The following CFAP46 variants were observed in gnomAD, a reference collection of about 807,000 sequenced individuals.
The protein encoded by CFAP46 is cilia- and flagella-associated protein 46.
A neutral mutation model predicts 325.7 loss-of-function variants in CFAP46; 245 were observed. That is an observed-to-expected ratio of 0.75 (90% CI 0.68 to 0.84). The LOEUF is 0.84. Among genes scored for constraint, CFAP46 ranks in the 40% least tolerant of loss-of-function variants. The probability of loss-of-function intolerance (pLI) is 0.00; values close to 1 mark genes in which losing one functional copy is unlikely to be tolerated. For synonymous variants in CFAP46, 1,523 were observed against 1,495.9 expected (o/e 1.02, Z -0.42); for missense variants, 3,346 against 3,543.0 (o/e 0.94, Z 1.41).
intron 1 of CFAP46, 50 bp from the exon 2 acceptor site, chr10:132,942,154 G>C (rs1355745686): frequency 7.1e-6 from 11 of 1,546,916 alleles, no homozygotes; most frequent in Admixed American, 2.0e-5. Flanking sequence ...GCTGGGAGAA[G>C]TGAGCCGGGC....
intron 8 of CFAP46, among the ~76,000 whole-genome samples, chr10:132,932,627 C>T (rs1220058446): frequency 1.7e-5 from 2 of 119,994 alleles, no homozygotes; most frequent in Non-Finnish European, 3.6e-5. Flanking sequence ...TGGGCTTCCC[C>T]ACGCTCCCCA....
intron 39 of CFAP46, among the ~76,000 whole-genome samples, chr10:132,852,997 TA>T (rs1416015626): frequency 6.6e-6 from 1 of 152,236 alleles, no homozygotes; most frequent in Non-Finnish European, 1.5e-5. Flanking sequence ...TATCTGTGAA[TA>T]AAAACAGTTT....
intron 9 of CFAP46, among the ~76,000 whole-genome samples, chr10:132,926,997 A>C (rs373577117): frequency 1.3e-4 from 20 of 152,228 alleles, no homozygotes; most frequent in African/African-American, 4.3e-4. Flanking sequence ...GCTGCGCTGA[A>C]GTCTGGGAAG....
chr10:132,852,011 C>T (rs1209791872), intron 39 of CFAP46, among the ~76,000 whole-genome samples: 1 of 152,076 alleles, frequency 6.6e-6, no homozygotes, highest in African/African-American at 2.4e-5. Flanking sequence ...GTATGTTCCT[C>T]CATTTACTTA....
At chr10:132,870,892 A>G (rs1848888415) in intron 32 of CFAP46, among the ~76,000 whole-genome samples, 1 of 152,230 alleles carries the variant, frequency 6.6e-6, no homozygotes, top group Non-Finnish European at 1.5e-5. Flanking sequence ...ACAGCCTTCT[A>G]TTGGAAGAAG....
chr10:132,932,505 C>T (rs1209305127), intron 8 of CFAP46, among the ~76,000 whole-genome samples: 1 of 124,514 alleles, frequency 8.0e-6, no homozygotes, highest in Non-Finnish European at 1.7e-5. Context: ...GAGGCTGAAC[C>T]TTCCCAACAC....
At chr10:132,909,080 G>A (rs2135527393) in intron 21 of CFAP46, 57 bp downstream of exon 21, 1 of 1,300,554 alleles carries the variant, frequency 7.7e-7, no homozygotes, top group South Asian at 1.3e-5. Context: ...TAGGGCAAGA[G>A]CCTCGGCGTC....
At chr10:132,892,197 A>G in intron 25 of CFAP46, 136 bp downstream of exon 25, 5 of 719,170 alleles carry the variant, frequency 7.0e-6, no homozygotes, top group Non-Finnish European at 1.2e-5. Flanking sequence ...GATGCTGAAC[A>G]GACATTATCT....
rs991645859 is a variant in CFAP46 at position 132,817,224 on chromosome 10, T to C, written c.7118-2310A>G. ...GAACTTTCGATTCTCATGATGTCCATGTCCCTAATAATGCCTGGCTCTAAA... is the reference window on the plus strand; with the variant it reads ...GAACTTTCGATTCTCATGATGTCCACGTCCCTAATAATGCCTGGCTCTAAA... On this transcript the variant is annotated intron_variant, in intron 50 of 57. Coordinates refer to ENST00000368586, the MANE Select transcript of CFAP46 (RefSeq NM_001200049.3). The surrounding 1 kb of genome is among the most constrained non-coding windows in gnomAD (Gnocchi z 4.4). Among the ~76,000 whole-genome samples, 2 of 152,298 alleles carry C rather than the reference T, an allele frequency of 1.3e-5. No individual in the cohort carries two copies. The highest frequency in any genetic ancestry group is 2.1e-4 in the South Asian group (1 of 4,822).
At chr10:132,824,147 GTGC>G (rs1847973119) in intron 50 of CFAP46, among the ~76,000 whole-genome samples, 2 of 143,948 alleles carry the variant, frequency 1.4e-5, no homozygotes, top group Admixed American at 7.0e-5. Flanking sequence ...GTGCTGATGT[GTGC>G]TGTGTGTGTG....
chr10:132,899,679 G>A lies in CFAP46; in HGVS notation c.2925-13C>T, dbSNP rs796143636. 6.5e-7 allele frequency: 1 copy of A among 1,544,096 alleles called. No homozygotes were observed. The highest frequency in any genetic ancestry group is 8.7e-7 in the Non-Finnish European group (1 of 1,143,196). The stretch of plus-strand genomic sequence containing the variant: ...CCGGGACTCCTCGCTGCAGGAACAG[G>A]GCCAGTGAGGAGGGAGGCCACTGTG... On this transcript the variant is annotated splice_polypyrimidine_tract_variant and intron_variant, in intron 22 of 57. Transcript: ENST00000368586.
Position 132,912,751 on chromosome 10 carries a change from G to A in CFAP46, c.2403C>T (p.Val801=). 1 of 1,550,344 alleles carries A rather than the reference G, an allele frequency of 6.5e-7. No homozygotes were observed. Residue 801 remains valine (V), a synonymous_variant, in exon 19 of 58, where the codon GTC becomes GTT. Transcript: ENST00000368586. ...ATTTCCTGGACTTCTCGGCAGCCTG[G>A]ACTGGAATCCAGCTGATGATCAGGC... The part of the protein sequence containing the change: ...ARGLIISWIP[V]QAAEKSRKFM...
intron 44 of CFAP46, chr10:132,837,118 A>T (rs1848264772): frequency 2.0e-6 from 1 of 511,256 alleles, no homozygotes; most frequent in East Asian, 3.2e-5. Flanking sequence ...GGCACGCAAG[A>T]GTCACCGGCG....
chr10:132,913,288 T>C (rs1161201784), intron 17 of CFAP46, 30 bp from the exon 18 acceptor site: 5 of 1,438,256 alleles, frequency 3.5e-6, no homozygotes, highest in South Asian at 1.2e-5. Flanking sequence ...AAGCCCTTAA[T>C]GCAGGGTCCC....
In CFAP46 at chr10:132,824,020, CTG is replaced by C. The variant is rs544546009; in HGVS notation, c.7118-9108_7118-9107del. On this transcript the variant is annotated intron_variant, in intron 50 of 57. Transcript: ENST00000368586. ...GTTTGTGCTGTGTGTGTGCTGTGTG[CTG>C]TGTGAGTGCTGATGTGTGCTGATGT... Among the ~76,000 whole-genome samples, 23 of 82,198 alleles carry C rather than the reference CTG, an allele frequency of 2.8e-4. 1 individual carries two copies. The highest frequency in any genetic ancestry group is 1.3e-3 in the African/African-American group (23 of 17,538). The allele number at this position is 82,198 out of a possible 152,430, so 53.9% of individuals were successfully genotyped here. A position where few individuals can be genotyped will look rare whatever the true frequency, so the allele number is the denominator to read the frequency against.
At chr10:132,873,471 C>T (rs1345630442) in intron 31 of CFAP46, among the ~76,000 whole-genome samples, 1 of 152,014 alleles carries the variant, frequency 6.6e-6, no homozygotes, top group Non-Finnish European at 1.5e-5. Flanking sequence ...ACGAGCCTGG[C>T]TGTCAGGCAC....
At chr10:132,840,469 T>C (rs1039000009) in intron 44 of CFAP46, among the ~76,000 whole-genome samples, 4 of 152,226 alleles carry the variant, frequency 2.6e-5, no homozygotes, top group African/African-American at 9.6e-5. Context: ...TCCTCTTTCA[T>C]TTTTCTTAGC....
At chr10:132,822,823 GTGTGCTGA>G (rs1847903730) in intron 50 of CFAP46, among the ~76,000 whole-genome samples, 1 of 126,196 alleles carries the variant, frequency 7.9e-6, no homozygotes, top group Non-Finnish European at 1.7e-5. Flanking sequence ...TGTGTGCTGT[GTGTGCTGA>G]TGTGTGCTGA....
rs1217960668 is a variant in CFAP46 at position 132,876,267 on chromosome 10, G to A, written c.4362+545C>T. ...GTGAACTGAATGACCACTATGGAGG[G>A]CAGCATGGCAGCGTGGCACCAAACA... On this transcript the variant is annotated intron_variant, in intron 31 of 57. Coordinates refer to ENST00000368586, the MANE Select transcript of CFAP46 (RefSeq NM_001200049.3). The surrounding 1 kb of genome is among the most constrained non-coding windows in gnomAD (Gnocchi z 4.1). Among the ~76,000 whole-genome samples, 1 of 152,266 alleles carries A rather than the reference G, an allele frequency of 6.6e-6. No individual in the cohort carries two copies. The highest frequency in any genetic ancestry group is 1.5e-5 in the Non-Finnish European group (1 of 68,050).
Sources: gnomAD v4.1 joint callset for allele counts (sites outside exome capture counted in the v4.1 genomes callset) on GRCh38, gnomAD v4.1.1 for gene constraint, Gnocchi (gnomAD v3.1) non-coding constraint, MANE v1.5 for transcripts, NCBI Gene and HGNC (gene_info 2026-07-23, HGNC 2026-07-21) for gene names.